CHD9: variants seen among roughly 807,000 people sequenced by gnomAD.
CHD9 encodes ATP-dependent chromatin remodeler CHD9.
In CHD9, 77 loss-of-function variants were observed where a neutral mutation model predicts 316.1. The ratio of observed to expected loss-of-function variants is 0.24; its 90% CI spans 0.20 to 0.29. CHD9 has a LOEUF of 0.29. Among genes scored for constraint, CHD9 ranks in the 10% least tolerant of loss-of-function variants. The pLI is 1.00. For synonymous variants in CHD9, 1,129 were observed against 1,158.3 expected, an observed-to-expected ratio of 0.97 and a Z score of 0.51; for missense variants, 2,763 against 3,438.1, an observed-to-expected ratio of 0.80 and a Z score of 4.91.
At chr16:53,120,539 G>GGAGGCGGAGGCTAT (rs1447570878) in intron 1 of CHD9, among the ~76,000 whole-genome samples, 1 of 152,220 alleles carries the variant, frequency 6.6e-6, no homozygotes, top group African/African-American at 2.4e-5. Flanking sequence ...CTTGAAACCG[G>GGAGGCGGAGGCTAT]GAGGCGGAGG....
chr16:53,324,557 G>A lies in CHD9; in HGVS notation c.8356G>A (p.Ala2786Thr). 6.2e-7 allele frequency: 1 copy of A among 1,613,760 alleles called. No individual in the cohort carries two copies. ...CTCTACTGCTGCATTAAATACAGCTGCAGCTGCCAACCCATTAGCTCTTAA... is the reference window on the plus strand; with the variant it reads ...CTCTACTGCTGCATTAAATACAGCTACAGCTGCCAACCCATTAGCTCTTAA... ...TSSTAALNTA[A>T]AANPLALNPL... The change falls in exon 39 of 39, where the codon GCA becomes ACA. Residue 2786 changes from alanine to threonine, a missense_variant. Ala to Thr is a moderately conservative substitution (Grantham distance 58). Coordinates refer to ENST00000447540, the MANE Select transcript of CHD9 (RefSeq NM_001308319.2).
rs560747778 is a variant in CHD9 at position 53,235,279 on chromosome 16, A to C, written c.2606A>C (p.Asn869Thr). The C allele has an allele frequency of 1.9e-6, 3 of 1,548,790 alleles. No homozygotes were observed. In the South Asian group the frequency reaches 3.6e-5, roughly 18 times the overall value. Residue 869 changes from asparagine (N) to threonine (T), a missense_variant, in exon 11 of 39, where the codon AAC becomes ACC. Transcript: ENST00000447540. The part of the protein sequence containing the change: ...QLREYQLEGL[N>T]WLLFNWYNRR... ...AGGGAATATCAACTGGAAGGACTCAACTGGCTCTTGTTCAATTGGTACAAT... is the reference window on the plus strand; with the variant it reads ...AGGGAATATCAACTGGAAGGACTCACCTGGCTCTTGTTCAATTGGTACAAT...
intron 17 of CHD9, among the ~76,000 whole-genome samples, chr16:53,254,236 TA>T (rs1386389012): frequency 7.9e-5 from 12 of 152,292 alleles, no homozygotes; most frequent in Non-Finnish European, 1.3e-4. Flanking sequence ...TTTAAGCTTA[TA>T]AACCTAAATT....
chr16:53,123,497 C>T (rs916045711), intron 1 of CHD9, among the ~76,000 whole-genome samples: 2 of 151,492 alleles, frequency 1.3e-5, no homozygotes, highest in African/African-American at 4.8e-5. Context: ...TTTTAATTTT[C>T]ATTATTATTA....
At chr16:53,304,693 CTTTTTT>C in intron 31 of CHD9, 68 bp downstream of exon 31, 36 of 769,032 alleles carry the variant, frequency 4.7e-5, no homozygotes, top group South Asian at 9.3e-5. Flanking sequence ...CTTTTCTTTT[CTTTTTT>C]TTTTTTTTTT....
intron 2 of CHD9, among the ~76,000 whole-genome samples, chr16:53,194,464 C>T (rs1393233791): frequency 1.3e-5 from 2 of 151,960 alleles, no homozygotes; most frequent in East Asian, 3.9e-4. Context: ...GTCTCAGCTA[C>T]TCAGAAGGCT....
intron 24 of CHD9, among the ~76,000 whole-genome samples, chr16:53,274,512 G>T (rs537201499): frequency 6.6e-6 from 1 of 152,236 alleles, no homozygotes; most frequent in South Asian, 2.1e-4. Flanking sequence ...GTGGAGTGCA[G>T]TGGCACAATC....
chr16:53,081,756 T>A (rs2035035014), intron 1 of CHD9, among the ~76,000 whole-genome samples: 1 of 126,984 alleles, frequency 7.9e-6, no homozygotes, highest in Non-Finnish European at 1.6e-5. Context: ...CTTGGCTAAT[T>A]AAAAAAAAAT....
At position 53,073,681 on chromosome 16, in the gene CHD9, T is replaced by G. The variant is rs1189007280; in HGVS notation, c.-165+18604T>G. ...GTGGTAGTGAATAAGTCTCATGAGA[T>G]CTGATGGGTTTATCAGGGGTTTTTG... On this transcript the variant is annotated intron_variant, in intron 1 of 38. Transcript: ENST00000447540. Among the ~76,000 whole-genome samples the G allele has an allele frequency of 2.6e-5, 4 of 152,212 alleles. No homozygotes were observed. In the East Asian group the frequency reaches 7.7e-4, roughly 29 times the overall value.
chr16:53,192,284 G>A (rs2044543179), intron 2 of CHD9, among the ~76,000 whole-genome samples: 1 of 152,156 alleles, frequency 6.6e-6, no homozygotes, highest in African/African-American at 2.4e-5. Flanking sequence ...ACAGATGAGT[G>A]AAGAAATAGC....
intron 1 of CHD9, among the ~76,000 whole-genome samples, chr16:53,066,623 G>A (rs2033542140): frequency 6.6e-6 from 1 of 152,072 alleles, no homozygotes; most frequent in African/African-American, 2.4e-5. Flanking sequence ...AATGAGAGAG[G>A]CACCATATTT....
intron 1 of CHD9, among the ~76,000 whole-genome samples, chr16:53,124,185 C>G (rs1252267172): frequency 6.6e-6 from 1 of 152,158 alleles, no homozygotes; most frequent in African/African-American, 2.4e-5. Context: ...ACATTCCCAC[C>G]AGCAGTGTAC....
At chr16:53,185,849 G>C (rs1168760346) in intron 2 of CHD9, among the ~76,000 whole-genome samples, 1 of 152,222 alleles carries the variant, frequency 6.6e-6, no homozygotes, top group African/African-American at 2.4e-5. Context: ...ACATGGTGTT[G>C]GGCCTGCAGA....
chr16:53,128,492 ACATT>A lies in CHD9; in HGVS notation c.-164-27432_-164-27429del, dbSNP rs2039075282. Among the ~76,000 whole-genome samples the A allele has an allele frequency of 4.6e-5, 7 of 152,156 alleles. No homozygotes were observed. The South Asian group carries it at 1.5e-3, about 32-fold the overall frequency. ...CCACCACGCCTGGCCCGGAATGGAG[ACATT>A]CTTACTCTGGAGTGGGATTGAGGGA... On this transcript the variant is annotated intron_variant, in intron 1 of 38. Coordinates refer to ENST00000447540, the MANE Select transcript of CHD9 (RefSeq NM_001308319.2).
At chr16:53,262,045 G>GA (rs1456018690) in intron 19 of CHD9, among the ~76,000 whole-genome samples, 1 of 151,918 alleles carries the variant, frequency 6.6e-6, no homozygotes, top group East Asian at 1.9e-4. Context: ...CTTTAATTAA[G>GA]ATTTTTACCT....
intron 7 of CHD9, among the ~76,000 whole-genome samples, chr16:53,228,723 A>G (rs949280709): frequency 1.3e-5 from 2 of 152,102 alleles, no homozygotes; most frequent in African/African-American, 4.8e-5. Flanking sequence ...GATAAATCGT[A>G]TCTTGCAATT....
At chr16:53,217,209 G>A (rs2046834202) in intron 3 of CHD9, among the ~76,000 whole-genome samples, 1 of 152,046 alleles carries the variant, frequency 6.6e-6, no homozygotes. Flanking sequence ...TCTGTAGAAT[G>A]TACATCAATT....
intron 1 of CHD9, among the ~76,000 whole-genome samples, chr16:53,131,815 C>T (rs1044484455): frequency 1.3e-5 from 2 of 152,180 alleles, no homozygotes; most frequent in Non-Finnish European, 2.9e-5. Context: ...TTTCCCAGGC[C>T]TTGCCTCTCG....
At chr16:53,189,430 T>C (rs2044303889) in intron 2 of CHD9, among the ~76,000 whole-genome samples, 1 of 152,064 alleles carries the variant, frequency 6.6e-6, no homozygotes, top group Admixed American at 6.5e-5. Context: ...TTTTTATTTG[T>C]GATCATTTTA....
Sources: gnomAD v4.1 joint callset for allele counts (sites outside exome capture counted in the v4.1 genomes callset) on GRCh38, gnomAD v4.1.1 for gene constraint, MANE v1.5 for transcripts, NCBI Gene and HGNC (gene_info 2026-07-23, HGNC 2026-07-21) for gene names.